The following TIAM1 variants were observed in gnomAD, a reference collection of about 807,000 sequenced individuals.
TIAM1 encodes TIAM Rac1 associated GEF 1.
TIAM1 carries 65 observed loss-of-function variants against 163.5 expected under a neutral mutation model. That is an observed-to-expected ratio of 0.40 (90% CI 0.33 to 0.49). The LOEUF (loss-of-function observed/expected upper bound fraction) is 0.49. TIAM1 is among the 20% of genes least tolerant of loss of function. The probability of loss-of-function intolerance (pLI) is 0.77; values close to 1 mark genes in which losing one functional copy is unlikely to be tolerated. For synonymous variants in TIAM1, 833 were observed against 810.1 expected (o/e 1.03, Z -0.48); for missense variants, 1,789 against 2,044.7 (o/e 0.87, Z 2.41).
chr21:31,234,441 A>G (rs2088631034), intron 6 of TIAM1, among the ~76,000 whole-genome samples: 1 of 152,070 alleles, frequency 6.6e-6, no homozygotes, highest in Non-Finnish European at 1.5e-5. Context: ...GAATTAAAAA[A>G]AAATAACCAA....
rs183142145 is a variant in TIAM1 at position 31,182,410 on chromosome 21, C to T, written c.2887+11G>A. Reference sequence around the variant, plus strand: ...GTTCAGACTCGCCCCCAGCACCCTGCACAGCCATACCTGGGTTGCTGGTGA... The same window carrying T: ...GTTCAGACTCGCCCCCAGCACCCTGTACAGCCATACCTGGGTTGCTGGTGA... On this transcript the variant is annotated intron_variant, in intron 15 of 27. Coordinates refer to ENST00000541036, the MANE Select transcript of TIAM1 (RefSeq NM_001353694.2). 6.3e-4 allele frequency: 974 copies of T among 1,539,056 alleles called. 1 individual carries two copies. Among genetic ancestry groups the T allele is most frequent in the Non-Finnish European group, 4.2e-4 (479 of 1,145,878 alleles).
At chr21:31,335,945 C>T (rs956314120) in intron 2 of TIAM1, among the ~76,000 whole-genome samples, 3 of 152,150 alleles carry the variant, frequency 2.0e-5, no homozygotes, top group Non-Finnish European at 4.4e-5. Flanking sequence ...GATGAGAATA[C>T]GCACAGGCTC....
intron 1 of TIAM1, among the ~76,000 whole-genome samples, chr21:31,519,504 G>C (rs529414445): frequency 5.5e-5 from 5 of 91,142 alleles, no homozygotes; most frequent in Admixed American, 2.9e-4. Flanking sequence ...GCGAGATTCT[G>C]TCTCAAAAAA....
chr21:31,279,681 T>C (rs2073458447), intron 2 of TIAM1, among the ~76,000 whole-genome samples: 1 of 152,224 alleles, frequency 6.6e-6, no homozygotes, highest in Non-Finnish European at 1.5e-5. Context: ...AGATCATCTA[T>C]GTTACAGAAT....
intron 22 of TIAM1, among the ~76,000 whole-genome samples, chr21:31,140,378 T>C (rs1012138349): frequency 2.6e-5 from 4 of 152,220 alleles, no homozygotes; most frequent in South Asian, 2.1e-4. Flanking sequence ...TACAGAGGCA[T>C]TGACGAATGT....
At chr21:31,227,549 C>T (rs1038328359) in intron 6 of TIAM1, among the ~76,000 whole-genome samples, 5 of 152,040 alleles carry the variant, frequency 3.3e-5, no homozygotes, top group African/African-American at 1.2e-4. Flanking sequence ...AGCAGAAGTA[C>T]CACCTGATAA....
intron 15 of TIAM1, among the ~76,000 whole-genome samples, chr21:31,179,902 A>ATTTTTTTTT (rs764892757): frequency 1.5e-5 from 2 of 131,276 alleles, no homozygotes; most frequent in Non-Finnish European, 3.2e-5. Context: ...ACATACACAG[A>ATTTTTTTTT]TTTTTTTTTT....
chr21:31,175,596 C>A (rs1330117257), intron 15 of TIAM1, among the ~76,000 whole-genome samples: 1 of 151,744 alleles, frequency 6.6e-6, no homozygotes, highest in African/African-American at 2.4e-5. Flanking sequence ...TCAATAAATG[C>A]TTTATAAAAC....
chr21:31,142,443 T>C (rs1601254378), intron 20 of TIAM1, among the ~76,000 whole-genome samples: 1 of 116,644 alleles, frequency 8.6e-6, no homozygotes. Flanking sequence ...CCTGCTAAAA[T>C]CTCATCTCTA....
At chr21:31,550,939 A>C (rs1463377585) in intron 1 of TIAM1, among the ~76,000 whole-genome samples, 7 of 152,228 alleles carry the variant, frequency 4.6e-5, no homozygotes, top group Non-Finnish European at 1.0e-4. Flanking sequence ...GGCCAGGCGC[A>C]GTGGCTCACG....
At chr21:31,123,025 A>G (rs1269919944) in intron 27 of TIAM1, among the ~76,000 whole-genome samples, 5 of 152,362 alleles carry the variant, frequency 3.3e-5, no homozygotes, top group Non-Finnish European at 5.9e-5. Flanking sequence ...CATCAGGCAG[A>G]AAGATCTTTC....
chr21:31,368,871 A>G (rs2076543709), intron 2 of TIAM1, among the ~76,000 whole-genome samples: 1 of 152,258 alleles, frequency 6.6e-6, no homozygotes, highest in African/African-American at 2.4e-5. Context: ...TAATGCAATC[A>G]GCAAACTTCA....
intron 1 of TIAM1, among the ~76,000 whole-genome samples, chr21:31,550,408 A>G (rs2048643592): frequency 6.6e-6 from 1 of 152,216 alleles, no homozygotes; most frequent in Non-Finnish European, 1.5e-5. Flanking sequence ...ATAGGATTCT[A>G]TTTCTCGGTA....
intron 1 of TIAM1, among the ~76,000 whole-genome samples, chr21:31,555,378 C>T (rs2048839913): frequency 6.6e-6 from 1 of 151,992 alleles, no homozygotes; most frequent in South Asian, 2.1e-4. Context: ...TACCTGTTTG[C>T]TTAATTTAGA....
Position 31,218,454 on chromosome 21 carries a change from A to G in TIAM1, c.1996-755T>C, listed in dbSNP as rs2087340060. On this transcript the variant is annotated intron_variant, in intron 8 of 27. Transcript: ENST00000541036. ...CACAGTGACAGGCACCTGTAATCCT[A>G]GCTACTTGGGAAGCTGAGACAGGAG... is the stretch of plus-strand genomic sequence containing the variant. 2.0e-5 allele frequency among the ~76,000 whole-genome samples: 3 copies of G among 152,204 alleles called. No homozygotes were observed. The South Asian group carries it at 6.2e-4, about 32-fold the overall frequency.
intron 6 of TIAM1, among the ~76,000 whole-genome samples, chr21:31,238,098 G>A (rs1483999926): frequency 1.3e-5 from 2 of 152,280 alleles, no homozygotes; most frequent in East Asian, 3.9e-4. Context: ...GAATCTGTGG[G>A]TATTTGAGTA....
chr21:31,533,500 T>C lies in TIAM1; in HGVS notation c.-422+25427A>G, dbSNP rs374904698. ...TGGGTGTAGTGGCTCACACCTGTCA[T>C]CCCAGCACTTAGGAAGGCCAACCCA... On this transcript the variant is annotated intron_variant, in intron 1 of 28. Transcript: ENST00000286827. 3.3e-5 allele frequency among the ~76,000 whole-genome samples: 5 copies of C among 152,172 alleles called. No individual in the cohort carries two copies. The East Asian group carries it at 5.8e-4, about 18-fold the overall frequency.
At chr21:31,463,244 A>T (rs2045399802) in intron 2 of TIAM1, among the ~76,000 whole-genome samples, 1 of 152,190 alleles carries the variant, frequency 6.6e-6, no homozygotes, top group African/African-American at 2.4e-5. Context: ...GAGCCCACTG[A>T]GCCCAGAGCA....
chr21:31,381,324 T>TAC (rs143467245), intron 2 of TIAM1, among the ~76,000 whole-genome samples: 2,713 of 152,182 alleles, frequency 0.018, 34 homozygotes, highest in South Asian at 0.04. Context: ...GAAGAGACAC[T>TAC]ACCAGCCTAG....
Sources: gnomAD v4.1 joint callset for allele counts (sites outside exome capture counted in the v4.1 genomes callset) on GRCh38, gnomAD v4.1.1 for gene constraint, MANE v1.5 for transcripts, NCBI Gene and HGNC (gene_info 2026-07-23, HGNC 2026-07-21) for gene names.